MTHFD2L: variants seen among roughly 807,000 people sequenced by gnomAD.
The protein encoded by MTHFD2L is methylenetetrahydrofolate dehydrogenase (NADP+ dependent) 2 like.
A neutral mutation model predicts 34.9 loss-of-function variants in MTHFD2L; 29 were observed. The observed-to-expected ratio is 0.83, with a 90% CI of 0.62 to 1.13. MTHFD2L has a LOEUF of 1.13. Ranked by LOEUF, MTHFD2L falls within the 50% of genes most tolerant of loss-of-function variation. The probability of loss-of-function intolerance (pLI) is 0.00; values close to 1 mark genes in which losing one functional copy is unlikely to be tolerated. For missense variants in MTHFD2L, 481 were observed against 446.5 expected (o/e 1.08, Z -0.70); for synonymous variants, 167 against 155.7 (o/e 1.07, Z -0.54).
At chr4:74,256,699 A>G (rs1296884314) in intron 6 of MTHFD2L, among the ~76,000 whole-genome samples, 1 of 152,190 alleles carries the variant, frequency 6.6e-6, no homozygotes, top group African/African-American at 2.4e-5. Context: ...ACCATTTGTC[A>G]TAATCAAATG....
intron 5 of MTHFD2L, among the ~76,000 whole-genome samples, chr4:74,212,391 G>C (rs1410391663): frequency 1.3e-5 from 2 of 152,112 alleles, no homozygotes; most frequent in African/African-American, 4.8e-5. Context: ...CTGTTACATT[G>C]TGTCTTTGTT....
At chr4:74,209,103 G>A (rs555515104) in intron 5 of MTHFD2L, among the ~76,000 whole-genome samples, 3 of 151,980 alleles carry the variant, frequency 2.0e-5, no homozygotes, top group Admixed American at 1.3e-4. Flanking sequence ...AACAAGTTGG[G>A]GCAAGGACAG....
At chr4:74,246,638 C>T (rs1742500960) in intron 6 of MTHFD2L, among the ~76,000 whole-genome samples, 1 of 152,086 alleles carries the variant, frequency 6.6e-6, no homozygotes, top group African/African-American at 2.4e-5. Flanking sequence ...TTTAATCCAT[C>T]TCGAATTAAT....
chr4:74,226,971 T>C lies in MTHFD2L; in HGVS notation c.805+1577T>C, dbSNP rs1376702163. ...ATTGGTGAAGATCTTTCTTGGGAGG[T>C]GACCTTTTGAGTAGAGTTCTTGTCC... On this transcript the variant is annotated intron_variant, in intron 6 of 7. Coordinates refer to ENST00000325278, the MANE Select transcript of MTHFD2L (RefSeq NM_001144978.3). Among the ~76,000 whole-genome samples the C allele has an allele frequency of 2.0e-5, 3 of 152,156 alleles. No homozygotes were observed. The East Asian group carries it at 5.8e-4, about 29-fold the overall frequency.
At chr4:74,138,622 G>A (rs971920657) in intron 1 of MTHFD2L, among the ~76,000 whole-genome samples, 4 of 152,174 alleles carry the variant, frequency 2.6e-5, no homozygotes, top group East Asian at 1.9e-4. Context: ...GATCAGGAGC[G>A]CAGCAGACAC....
chr4:74,245,152 G>A (rs932300628), intron 6 of MTHFD2L, among the ~76,000 whole-genome samples: 8 of 130,792 alleles, frequency 6.1e-5, no homozygotes, highest in South Asian at 4.9e-4. Context: ...CTGAGATCGC[G>A]CCACTGCACT....
intron 1 of MTHFD2L, among the ~76,000 whole-genome samples, chr4:74,138,317 T>G (rs1433833193): frequency 6.6e-6 from 1 of 152,088 alleles, no homozygotes; most frequent in Non-Finnish European, 1.5e-5. Flanking sequence ...GTCTTTGTTG[T>G]TAGAGCTCCC....
chr4:74,232,533 G>C (rs891338100), intron 6 of MTHFD2L, among the ~76,000 whole-genome samples: 9 of 151,978 alleles, frequency 5.9e-5, no homozygotes, highest in African/African-American at 2.2e-4. Context: ...AGCTTCCCTG[G>C]CCTGCAGTGA....
upstream of MTHFD2L, among the ~76,000 whole-genome samples, chr4:74,121,895 A>G (rs140038492): frequency 2.0e-5 from 3 of 152,124 alleles, no homozygotes; most frequent in African/African-American, 7.2e-5. Flanking sequence ...GCATGTGAGG[A>G]CACAATGAGA....
chr4:74,300,771 G>A lies in MTHFD2L; in HGVS notation c.932-926G>A, dbSNP rs183853226. On this transcript the variant is annotated intron_variant, in intron 7 of 7. Coordinates refer to ENST00000325278, the MANE Select transcript of MTHFD2L (RefSeq NM_001144978.3). ...ATGACTTATGATGGGGTTACATCCC[G>A]GTAATCCTAAGTTGAAAATATCATT... Among the ~76,000 whole-genome samples, 35 of 152,046 alleles carry A rather than the reference G, an allele frequency of 2.3e-4. 1 individual carries two copies. In the East Asian group the frequency reaches 3.9e-3, roughly 17 times the overall value.
chr4:74,122,150 T>C (rs1246615347), upstream of MTHFD2L, among the ~76,000 whole-genome samples: 1 of 152,156 alleles, frequency 6.6e-6, no homozygotes, highest in Non-Finnish European at 1.5e-5. Context: ...TTTTAATTAT[T>C]TTTGTGTATT....
chr4:74,172,489 A>C (rs1262682302), intron 1 of MTHFD2L, among the ~76,000 whole-genome samples: 3 of 152,216 alleles, frequency 2.0e-5, no homozygotes, highest in African/African-American at 4.8e-5. Context: ...GTTTACTTAG[A>C]ATGTCTAGTT....
At chr4:74,186,853 A>G (rs1731380553) in intron 3 of MTHFD2L, among the ~76,000 whole-genome samples, 1 of 152,164 alleles carries the variant, frequency 6.6e-6, no homozygotes, top group Non-Finnish European at 1.5e-5. Context: ...AAATGGTCCA[A>G]ACAATTTTGA....
At chr4:74,213,807 A>G (rs1432492491) in intron 5 of MTHFD2L, among the ~76,000 whole-genome samples, 3 of 152,178 alleles carry the variant, frequency 2.0e-5, no homozygotes, top group Admixed American at 1.3e-4. Flanking sequence ...GTGTTTTCCA[A>G]CTTGGTTCCA....
At chr4:74,293,666 G>A (rs1210387812) in intron 7 of MTHFD2L, 4 of 210,230 alleles carry the variant, frequency 1.9e-5, no homozygotes, top group African/African-American at 9.4e-5. Flanking sequence ...CTGCTCCCTG[G>A]TTCACCATGC....
intron 3 of MTHFD2L, among the ~76,000 whole-genome samples, chr4:74,189,708 A>T (rs924308115): frequency 1.3e-5 from 2 of 152,046 alleles, no homozygotes; most frequent in Non-Finnish European, 2.9e-5. Flanking sequence ...AAAATTTGTT[A>T]TATCATCTAA....
At chr4:74,188,075 T>C (rs1198866468) in intron 3 of MTHFD2L, among the ~76,000 whole-genome samples, 1 of 151,790 alleles carries the variant, frequency 6.6e-6, no homozygotes, top group Non-Finnish European at 1.5e-5. Context: ...TAGATTAATC[T>C]CAAAGTAATT....
At chr4:74,269,050 T>G (rs1745643109) in intron 6 of MTHFD2L, among the ~76,000 whole-genome samples, 1 of 152,174 alleles carries the variant, frequency 6.6e-6, no homozygotes, top group Non-Finnish European at 1.5e-5. Context: ...GTAGTGTGAA[T>G]CTATATAGAT....
At chr4:74,146,384 A>C (rs1723595860) in intron 1 of MTHFD2L, among the ~76,000 whole-genome samples, 1 of 152,304 alleles carries the variant, frequency 6.6e-6, no homozygotes, top group South Asian at 2.1e-4. Context: ...AATAAAATTC[A>C]CCATCATATC....
Sources: gnomAD v4.1 joint callset for allele counts (sites outside exome capture counted in the v4.1 genomes callset) on GRCh38, gnomAD v4.1.1 for gene constraint, MANE v1.5 for transcripts, NCBI Gene and HGNC (gene_info 2026-07-23, HGNC 2026-07-21) for gene names.